STX16: variants seen among roughly 807,000 people sequenced by gnomAD.
STX16 encodes syntaxin-16.
In STX16, 28 loss-of-function variants were observed where a neutral mutation model predicts 42.7. The observed-to-expected ratio is 0.66, with a 90% confidence interval of 0.49 to 0.90. STX16 has a LOEUF of 0.90. Ranked by LOEUF, STX16 falls within the 40% of genes least tolerant of loss-of-function variation. The pLI, the probability that STX16 is intolerant of heterozygous loss-of-function variation, is 0.00. For synonymous variants in STX16, 156 were observed against 155.2 expected (o/e 1.00, Z -0.04); for missense variants, 361 against 420.9 (o/e 0.86, Z 1.24).
chr20:58,663,785 C>A (rs1335247531), intron 2 of STX16, among the ~76,000 whole-genome samples: 1 of 152,176 alleles, frequency 6.6e-6, no homozygotes, highest in Non-Finnish European at 1.5e-5. Context: ...TCAAGTGATT[C>A]TCCTGCCTCA....
Position 58,678,958 on chromosome 20 carries a change from TGAGAGGAGG to T in STX16, c.*2668_*2676del, listed in dbSNP as rs2084206168. On this transcript the variant is annotated 3_prime_UTR_variant, in exon 9 of 9. Transcript: ENST00000371141. ...TCTCCTCTGCCTGGGATGCGCCCTCTGAGAGGAGGCCTAGCAGGGCAGGCTCCCTCTGGG... is the reference window on the plus strand; with the variant it reads ...TCTCCTCTGCCTGGGATGCGCCCTCTCCTAGCAGGGCAGGCTCCCTCTGGG... 6.6e-6 allele frequency: 1 copy of T among 152,308 alleles called. No homozygotes were observed. The highest frequency in any genetic ancestry group is 1.5e-5 in the Non-Finnish European group (1 of 68,088). The allele number at this position is 152,308 out of a possible 1,614,324, so 9.4% of individuals were successfully genotyped here.
At chr20:58,670,664 C>T in intron 6 of STX16, 61 bp downstream of exon 6, 1 of 1,319,040 alleles carries the variant, frequency 7.6e-7, no homozygotes, top group Non-Finnish European at 1.1e-6. Flanking sequence ...GCATCTTTCA[C>T]CTCCTAGACC....
chr20:58,669,212 C>A, intron 4 of STX16, 79 bp from the exon 5 acceptor site: 1 of 1,489,134 alleles, frequency 6.7e-7, no homozygotes, highest in Non-Finnish European at 9.1e-7. Context: ...TCACTTCTCA[C>A]TCTGGCTTGT....
chr20:58,652,371 A>ACCCCCCCCCCC (rs11481928), intron 1 of STX16: 93 of 462,030 alleles, frequency 2.0e-4, no homozygotes, highest in African/African-American at 9.2e-4. Context: ...CTTCCGCAGC[A>ACCCCCCCCCCC]CCCCCCCCCC....
chr20:58,665,904 A>ATGG (rs1234854557), intron 2 of STX16, among the ~76,000 whole-genome samples: 1 of 152,224 alleles, frequency 6.6e-6, no homozygotes, highest in Non-Finnish European at 1.5e-5. Flanking sequence ...CCTGAAGCAG[A>ATGG]TGGTGGCAGA....
At chr20:58,676,080 CTCAG>C (rs973783183) in intron 8 of STX16, 103 bp from the exon 9 acceptor site, 1 of 851,612 alleles carries the variant, frequency 1.2e-6, no homozygotes, top group Admixed American at 1.9e-5. Context: ...TAGCAGAGAC[CTCAG>C]TCACTGTGCA....
chr20:58,676,073 C>A, intron 8 of STX16, 114 bp from the exon 9 acceptor site: 1 of 795,800 alleles, frequency 1.3e-6, no homozygotes, highest in Non-Finnish European at 2.1e-6. Flanking sequence ...TAGCCTGTAG[C>A]AGAGACCTCA....
At position 58,667,572 on chromosome 20, in the gene STX16, C is replaced by G; in HGVS notation, c.227C>G (p.Pro76Arg). The G allele has an allele frequency of 6.2e-7, 1 of 1,614,084 alleles. No individual in the cohort carries two copies. Among genetic ancestry groups the G allele is most frequent in the East Asian group, 2.2e-5 (1 of 44,878 alleles). Residue 76 changes from proline to arginine, a missense_variant, in exon 3 of 9, where the codon CCT (proline) becomes CGT (arginine). Pro to Arg is a moderately radical substitution (Grantham distance 103). Coordinates refer to ENST00000371141, the MANE Select transcript of STX16 (RefSeq NM_001001433.3). ...AAIGVTKRPP[P>R]KWVDGVDEIQ... ...ATTGGTGTGACAAAACGGCCACCTC[C>G]TAAGTGGGTGGATGGAGTGGATGAA...
chr20:58,655,751 T>C (rs985794857), intron 1 of STX16, among the ~76,000 whole-genome samples: 2 of 152,182 alleles, frequency 1.3e-5, no homozygotes, highest in Non-Finnish European at 2.9e-5. Flanking sequence ...CAGAATTCTT[T>C]CCAGGCCTAG....
intron 2 of STX16, 70 bp downstream of exon 2, chr20:58,659,704 C>A: frequency 1.3e-6 from 2 of 1,532,658 alleles, no homozygotes; most frequent in South Asian, 2.3e-5. Context: ...TTCCTGAAGT[C>A]TTTGCTCATA....
chr20:58,670,980 T>A (rs1272793840), intron 6 of STX16, among the ~76,000 whole-genome samples, 174 bp from the exon 7 acceptor site: 2 of 152,242 alleles, frequency 1.3e-5, no homozygotes, highest in African/African-American at 4.8e-5. Flanking sequence ...TTAGGGAATT[T>A]GAATCTTTCC....
intron 2 of STX16, among the ~76,000 whole-genome samples, chr20:58,666,893 C>T (rs1041441650): frequency 2.3e-4 from 35 of 152,202 alleles, no homozygotes; most frequent in African/African-American, 8.0e-4. Flanking sequence ...TTAAGGATTG[C>T]TTTTGCCAAA....
chr20:58,658,729 T>C (rs771082389), intron 1 of STX16, among the ~76,000 whole-genome samples: 4 of 152,228 alleles, frequency 2.6e-5, no homozygotes, highest in Non-Finnish European at 4.4e-5. Flanking sequence ...AGATTATCTG[T>C]CATTAGTAAA....
chr20:58,662,428 A>G (rs1255845762), intron 2 of STX16, among the ~76,000 whole-genome samples: 1 of 152,236 alleles, frequency 6.6e-6, no homozygotes, highest in Non-Finnish European at 1.5e-5. Flanking sequence ...GTTAGTTGAG[A>G]AAAAAGGAAA....
Position 58,668,071 on chromosome 20 carries a change from G to C in STX16, c.337G>C (p.Asp113His). The C allele has an allele frequency of 6.2e-7, 1 of 1,614,248 alleles. No individual in the cohort carries two copies. Among genetic ancestry groups the C allele is most frequent in the Non-Finnish European group, 8.5e-7 (1 of 1,180,056 alleles). Residue 113 changes from aspartate (D) to histidine (H), a missense_variant, in exon 4 of 9, where the codon GAT becomes CAT. Physicochemically the swap from Asp to His is moderately conservative, Grantham distance 81 (BLOSUM62 -1). Coordinates refer to ENST00000371141, the MANE Select transcript of STX16 (RefSeq NM_001001433.3). ...CAAGCATTTAAACAGACCCACCCTG[G>C]ATGACAGCAGCGAAGAGGAACATGC... is the stretch of plus-strand genomic sequence containing the variant. ...HDKHLNRPTL[D>H]DSSEEEHAIE...
chr20:58,663,282 A>T (rs2122953177), intron 2 of STX16, among the ~76,000 whole-genome samples: 1 of 152,350 alleles, frequency 6.6e-6, no homozygotes, highest in Non-Finnish European at 1.5e-5. Flanking sequence ...CTTCAGGGAA[A>T]GGCAGGGTTT....
At chr20:58,665,082 T>C (rs73131893) in intron 2 of STX16, among the ~76,000 whole-genome samples, 8,826 of 152,250 alleles carry the variant, frequency 0.058, 341 homozygotes, top group Middle Eastern at 0.1. Flanking sequence ...CCCCCTGCTT[T>C]TTAGTCAGTG....
chr20:58,675,613 C>T (rs1370176106), intron 8 of STX16, among the ~76,000 whole-genome samples: 4 of 152,184 alleles, frequency 2.6e-5, no homozygotes, highest in African/African-American at 7.2e-5. Flanking sequence ...GAGGACGCGC[C>T]TCAGAGGGAT....
At position 58,651,668 on chromosome 20, in the gene STX16, T is replaced by C. The variant is rs2083457773; in HGVS notation, c.-339T>C. Reference sequence around the variant, plus strand: ...CAGGGCCTCCCAGTCTAGAGCCGGATTGGCGAGTTAGACGCTTGTAGATCC... The same window carrying C: ...CAGGGCCTCCCAGTCTAGAGCCGGACTGGCGAGTTAGACGCTTGTAGATCC... On this transcript the variant is annotated 5_prime_UTR_variant, in exon 1 of 9. Transcript: ENST00000371141. 1 of 253,932 alleles carries C rather than the reference T, an allele frequency of 3.9e-6. No homozygotes were observed. The highest frequency in any genetic ancestry group is 7.9e-6 in the Non-Finnish European group (1 of 127,360). 15.7% of individuals were successfully genotyped at this position (253,932 alleles called of 1,614,324 possible).
Sources: allele counts gnomAD v4.1 joint callset (sites outside exome capture counted in the v4.1 genomes callset), GRCh38; gene constraint gnomAD v4.1.1; transcripts MANE v1.5; gene names NCBI Gene and HGNC (gene_info 2026-07-23, HGNC 2026-07-21).